PACC1: variants seen among roughly 807,000 people sequenced by gnomAD.
PACC1 encodes proton activated chloride channel 1, also known as proton-activated chloride channel.
A neutral mutation model predicts 39.7 loss-of-function variants in PACC1; 34 were observed. The observed-to-expected ratio is 0.86, with a 90% CI of 0.65 to 1.14. The LOEUF (loss-of-function observed/expected upper bound fraction) is 1.14, where lower values mean the gene tolerates loss of function less well. Ranked by LOEUF, PACC1 falls within the 50% of genes most tolerant of loss-of-function variation. PACC1 has a pLI of 0.00. For synonymous variants in PACC1, 127 were observed against 160.6 expected (o/e 0.79, Z 1.58); for missense variants, 379 against 436.4 (o/e 0.87, Z 1.17).
At chr1:212,366,117 AC>A (rs969162379) in intron 7 of PACC1, among the ~76,000 whole-genome samples, 4 of 151,974 alleles carry the variant, frequency 2.6e-5, no homozygotes, top group Admixed American at 2.0e-4. Context: ...CTAAGCTAAA[AC>A]CCTTTCTGGA....
chr1:212,393,423 A>T (rs1235808249), intron 2 of PACC1, among the ~76,000 whole-genome samples: 6 of 152,246 alleles, frequency 3.9e-5, no homozygotes, highest in Non-Finnish European at 8.8e-5. Context: ...AATCTCTGGG[A>T]CACATTTAAA....
intron 2 of PACC1, among the ~76,000 whole-genome samples, chr1:212,396,425 C>T (rs182672271): frequency 3.3e-5 from 5 of 151,850 alleles, no homozygotes; most frequent in East Asian, 3.9e-4. Context: ...CATCACACAC[C>T]GGGGCCTGTT....
At chr1:212,380,100 A>C in intron 4 of PACC1, 63 bp from the exon 5 acceptor site, 1 of 1,558,016 alleles carries the variant, frequency 6.4e-7, no homozygotes, top group Non-Finnish European at 8.7e-7. Context: ...TCTGGGTCTG[A>C]GGGCAGAAGT....
chr1:212,414,718 G>A lies in PACC1; in HGVS notation c.36+4C>T. 1 of 1,613,124 alleles carries A rather than the reference G, an allele frequency of 6.2e-7. No homozygotes were observed. The highest frequency in any genetic ancestry group is 2.2e-5 in the East Asian group (1 of 44,796). On this transcript the variant is annotated splice_donor_region_variant and intron_variant, in intron 1 of 7. Transcript: ENST00000261455. ...CTTCCCTTCCGTCTCTCACAACCTC[G>A]TACCTCCTGGTAGGATGTGGAGCGC...
intron 5 of PACC1, among the ~76,000 whole-genome samples, chr1:212,379,464 G>A (rs1327776181): frequency 1.3e-5 from 2 of 152,198 alleles, no homozygotes; most frequent in East Asian, 1.9e-4. Flanking sequence ...GTTGTTCAAG[G>A]ACCAACTGTA....
chr1:212,383,422 T>C (rs544000012), intron 4 of PACC1, among the ~76,000 whole-genome samples: 1 of 152,326 alleles, frequency 6.6e-6, no homozygotes, highest in Admixed American at 6.5e-5. Flanking sequence ...TAGCGTGTTT[T>C]ACAGAGAGAT....
intron 7 of PACC1, among the ~76,000 whole-genome samples, chr1:212,366,350 G>T (rs1459189037): frequency 2.0e-5 from 3 of 146,756 alleles, no homozygotes; most frequent in Non-Finnish European, 4.5e-5. Flanking sequence ...CGCCAGGCTG[G>T]AGTGCAGTGG....
intron 5 of PACC1, among the ~76,000 whole-genome samples, chr1:212,379,164 C>T (rs1660781292): frequency 2.0e-5 from 3 of 152,212 alleles, no homozygotes; most frequent in Admixed American, 6.5e-5. Context: ...AGGATGGTCT[C>T]GATCTCCTGA....
chr1:212,396,293 CG>C (rs1482712302), intron 2 of PACC1, among the ~76,000 whole-genome samples: 1 of 152,100 alleles, frequency 6.6e-6, no homozygotes, highest in African/African-American at 2.4e-5. Context: ...TGTAGGGACA[CG>C]GCTGAAGCTG....
chr1:212,404,886 A>G (rs1039876426), intron 2 of PACC1, among the ~76,000 whole-genome samples: 1 of 152,060 alleles, frequency 6.6e-6, no homozygotes, highest in Non-Finnish European at 1.5e-5. Flanking sequence ...CTCCTGCTTC[A>G]GCCTCCTGAG....
rs1424278429 is a variant in PACC1, at chr1:212,386,981, C to T, written c.253G>A (p.Val85Ile). 6.2e-7 allele frequency: 1 copy of T among 1,614,024 alleles called. No individual in the cohort carries two copies. Among genetic ancestry groups the T allele is most frequent in the Non-Finnish European group, 8.5e-7 (1 of 1,180,032 alleles). ...LLLMAVAVFL[V>I]YRTITDFREK... ...CGAAAGTCTGTGATGGTCCGGTAGA[C>T]CAGGAAGACGGCCACAGCCATGAGC... is the stretch of plus-strand genomic sequence containing the variant. Residue 85 changes from valine to isoleucine, a missense_variant, in exon 3 of 8, where the codon GTC becomes ATC. By Grantham distance (29) the Val-to-Ile change is conservative. Coordinates refer to ENST00000261455, the MANE Select transcript of PACC1 (RefSeq NM_018252.3). This position sits in a 1 kb window ranked among gnomAD's most constrained non-coding sequence, Gnocchi z 5.0.
At chr1:212,394,838 A>T (rs1257752522) in intron 2 of PACC1, among the ~76,000 whole-genome samples, 2 of 152,150 alleles carry the variant, frequency 1.3e-5, no homozygotes, top group African/African-American at 2.4e-5. Context: ...CATTCACAAT[A>T]GCTTTAAAGA....
At chr1:212,395,462 C>CA (rs1661480022) in intron 2 of PACC1, among the ~76,000 whole-genome samples, 1 of 151,994 alleles carries the variant, frequency 6.6e-6, no homozygotes, top group Admixed American at 6.6e-5. Context: ...ACTTAAATGT[C>CA]AGACCTAAAA....
intron 4 of PACC1, among the ~76,000 whole-genome samples, chr1:212,381,027 A>T (rs1660859620): frequency 6.6e-6 from 1 of 152,240 alleles, no homozygotes; most frequent in African/African-American, 2.4e-5. Flanking sequence ...TCAGTTACAA[A>T]GTTTTGTGCC....
At chr1:212,409,924 C>T (rs1558184393) in intron 2 of PACC1, among the ~76,000 whole-genome samples, 1 of 152,144 alleles carries the variant, frequency 6.6e-6, no homozygotes, top group Non-Finnish European at 1.5e-5. Flanking sequence ...CTGAGAAATG[C>T]TGCATCACAG....
chr1:212,379,246 A>C (rs1267754728), intron 5 of PACC1, among the ~76,000 whole-genome samples: 1 of 152,024 alleles, frequency 6.6e-6, no homozygotes, highest in Non-Finnish European at 1.5e-5. Context: ...CCTGGCCATG[A>C]TTTTCTTAAT....
chr1:212,409,877 C>A (rs943485202), intron 2 of PACC1, among the ~76,000 whole-genome samples: 2 of 152,154 alleles, frequency 1.3e-5, no homozygotes, highest in African/African-American at 4.8e-5. Context: ...TGCCCAAGAG[C>A]TGGAGAGTGA....
At chr1:212,372,055 T>A (rs1270172891) in intron 7 of PACC1, among the ~76,000 whole-genome samples, 1 of 151,508 alleles carries the variant, frequency 6.6e-6, no homozygotes, top group Non-Finnish European at 1.5e-5. Context: ...GAGGCCGAGG[T>A]GGGCAGATCA....
chr1:212,405,715 G>T (rs1466905769), intron 2 of PACC1, among the ~76,000 whole-genome samples: 1 of 152,184 alleles, frequency 6.6e-6, no homozygotes, highest in Non-Finnish European at 1.5e-5. Flanking sequence ...TCTGGGTATG[G>T]ATTTGAGCCC....
Sources: allele counts gnomAD v4.1 joint callset (sites outside exome capture counted in the v4.1 genomes callset), GRCh38; gene constraint gnomAD v4.1.1; non-coding constraint Gnocchi (gnomAD v3.1); transcripts MANE v1.5; gene names NCBI Gene and HGNC (gene_info 2026-07-23, HGNC 2026-07-21).